GRM8: variants seen among roughly 807,000 people sequenced by gnomAD.
GRM8 encodes the protein glutamate metabotropic receptor 8.
In GRM8, 47 loss-of-function variants were observed where a neutral mutation model predicts 87.2. The observed-to-expected ratio is 0.54, with a 90% confidence interval of 0.43 to 0.69. GRM8 has a LOEUF of 0.69. GRM8 is among the 30% of genes least tolerant of loss of function. GRM8 has a pLI of 0.00. For synonymous variants in GRM8, 396 were observed against 404.5 expected (o/e 0.98, Z 0.25); for missense variants, 1,019 against 1,139.2 (o/e 0.89, Z 1.52).
At chr7:127,221,849 C>G (rs1245640893) in intron 2 of GRM8, among the ~76,000 whole-genome samples, 1 of 152,158 alleles carries the variant, frequency 6.6e-6, no homozygotes, top group Non-Finnish European at 1.5e-5. Flanking sequence ...TCCCTTCCAG[C>G]CTAGAAGTCC....
At chr7:126,583,967 A>G (rs1332515036) in intron 8 of GRM8, among the ~76,000 whole-genome samples, 6 of 152,206 alleles carry the variant, frequency 3.9e-5, no homozygotes, top group Admixed American at 3.9e-4. Context: ...TTCACGAAAG[A>G]GTCCATTTAT....
At chr7:126,485,622 A>G (rs1484954150) in intron 9 of GRM8, among the ~76,000 whole-genome samples, 1 of 152,016 alleles carries the variant, frequency 6.6e-6, no homozygotes, top group Non-Finnish European at 1.5e-5. Context: ...CTATTATAGT[A>G]TAGACACTGG....
intron 6 of GRM8, among the ~76,000 whole-genome samples, chr7:126,891,826 T>A (rs1179269104): frequency 2.0e-5 from 3 of 152,002 alleles, no homozygotes; most frequent in African/African-American, 7.2e-5. Flanking sequence ...ATTTTTGTTT[T>A]GCTCACGAAC....
intron 3 of GRM8, among the ~76,000 whole-genome samples, chr7:127,024,774 T>C (rs1360520051): frequency 1.3e-5 from 2 of 151,974 alleles, no homozygotes; most frequent in Non-Finnish European, 2.9e-5. Flanking sequence ...CTCACTCATG[T>C]TTTCACATGG....
intron 7 of GRM8, among the ~76,000 whole-genome samples, chr7:126,620,787 C>A (rs1800077295): frequency 6.6e-6 from 1 of 152,128 alleles, no homozygotes; most frequent in Non-Finnish European, 1.5e-5. Context: ...TGCACTTATG[C>A]CCCCTTAGTA....
intron 8 of GRM8, among the ~76,000 whole-genome samples, chr7:126,578,306 T>G (rs1795291479): frequency 6.6e-6 from 1 of 152,294 alleles, no homozygotes; most frequent in East Asian, 1.9e-4. Flanking sequence ...GATACAGCTG[T>G]TCAGTCTCCC....
At chr7:126,866,160 A>G (rs1009227500) in intron 6 of GRM8, among the ~76,000 whole-genome samples, 1 of 152,118 alleles carries the variant, frequency 6.6e-6, no homozygotes, top group African/African-American at 2.4e-5. Flanking sequence ...TTTGATTTTC[A>G]GTTCCCTGGT....
chr7:126,904,668 G>T lies in GRM8; in HGVS notation c.743C>A (p.Ala248Asp). The stretch of plus-strand genomic sequence containing the variant: ...TTCACGTGGGATTTTCTGTGACTGA[G>T]CAATGCAAACACCACCTATTTAAAA... ...ISREIGGVCI[A>D]QSQKIPREPR... Residue 248 changes from alanine (A) to aspartate (D), a missense_variant, in exon 4 of 11, where the codon GCT becomes GAT. Coordinates refer to ENST00000339582, the MANE Select transcript of GRM8 (RefSeq NM_000845.3). 1.2e-6 allele frequency: 2 copies of T among 1,613,562 alleles called. No homozygotes were observed. The highest frequency in any genetic ancestry group is 8.5e-7 in the Non-Finnish European group (1 of 1,179,604).
In GRM8 at chr7:126,913,041, T is replaced by C. The variant is rs190706716; in HGVS notation, c.728-8358A>G. 1.7e-4 allele frequency among the ~76,000 whole-genome samples: 26 copies of C among 152,324 alleles called. No homozygotes were observed. In the East Asian group the frequency reaches 3.5e-3, roughly 20 times the overall value. On this transcript the variant is annotated intron_variant, in intron 3 of 10. Transcript: ENST00000339582. Reference sequence around the variant, plus strand: ...TCTAAAAGGATAAAGAATTATGTTTTTAGTTGTTGCTCATTTATAAGACAA... The same window carrying C: ...TCTAAAAGGATAAAGAATTATGTTTCTAGTTGTTGCTCATTTATAAGACAA...
At chr7:126,644,051 T>G (rs1297871425) in intron 7 of GRM8, among the ~76,000 whole-genome samples, 2 of 152,258 alleles carry the variant, frequency 1.3e-5, no homozygotes, top group Non-Finnish European at 2.9e-5. Context: ...ATGTAGAGTT[T>G]CGTCTTTTGC....
In GRM8 at chr7:127,106,615, G is replaced by A. The variant is rs749886418; in HGVS notation, c.608C>T (p.Ala203Val). 1 of 1,613,684 alleles carries A rather than the reference G, an allele frequency of 6.2e-7. No individual in the cohort carries two copies. ...SRVVPPDSYQ[A>V]QAMVDIVTAL... Reference sequence around the variant, plus strand: ...TGTCACGATGTCCACCATGGCTTGGGCTTGGTAGGAGTCAGGCGGAACCAC... The same window carrying A: ...TGTCACGATGTCCACCATGGCTTGGACTTGGTAGGAGTCAGGCGGAACCAC... Residue 203 changes from alanine (A) to valine (V), a missense_variant, in exon 3 of 11, where the codon GCC becomes GTC. By Grantham distance (64) the Ala-to-Val change is moderately conservative. Transcript: ENST00000339582.
intron 3 of GRM8, among the ~76,000 whole-genome samples, chr7:126,965,423 T>A (rs538450611): frequency 3.2e-4 from 49 of 152,312 alleles, no homozygotes; most frequent in African/African-American, 1.1e-3. Context: ...GTCCCCTCCA[T>A]TAAAAATATA....
chr7:126,908,752 A>C (rs1167939431), intron 3 of GRM8, among the ~76,000 whole-genome samples: 1 of 152,178 alleles, frequency 6.6e-6, no homozygotes, highest in Non-Finnish European at 1.5e-5. Context: ...ACTTTTTGCT[A>C]TTCCCACACC....
chr7:126,530,631 A>G (rs950605421), intron 9 of GRM8, among the ~76,000 whole-genome samples: 1 of 152,236 alleles, frequency 6.6e-6, no homozygotes, highest in East Asian at 1.9e-4. Context: ...CAAGTTGATA[A>G]CATGGGGCTG....
In GRM8 at chr7:126,770,054, T is replaced by G. The variant is rs745315525; in HGVS notation, c.1168A>C (p.Ile390Leu). The stretch of plus-strand genomic sequence containing the variant: ...TGTTCATAAGATGAATCCCGAGCAA[T>G]TCGCTCCAGCCCTGCAAAATAAAAA... ...HIKKCTGLERIARDSSYEQEG... is the reference protein window; with the variant it reads ...HIKKCTGLERLARDSSYEQEG... Residue 390 changes from isoleucine (I) to leucine (L), a missense_variant, in exon 7 of 11, where the codon ATT (isoleucine) becomes CTT (leucine). By Grantham distance (5) the Ile-to-Leu change is conservative. Transcript: ENST00000339582. 1 of 1,611,316 alleles carries G rather than the reference T, an allele frequency of 6.2e-7. No homozygotes were observed. The highest frequency in any genetic ancestry group is 1.3e-5 in the African/African-American group (1 of 74,958).
intron 6 of GRM8, among the ~76,000 whole-genome samples, chr7:126,897,144 T>G (rs1483033164): frequency 6.6e-6 from 1 of 152,138 alleles, no homozygotes; most frequent in African/African-American, 2.4e-5. Flanking sequence ...TATTTATAAT[T>G]CGTGATGGAG....
intron 7 of GRM8, among the ~76,000 whole-genome samples, chr7:126,707,222 T>C (rs772606755): frequency 6.6e-6 from 1 of 152,114 alleles, no homozygotes; most frequent in Non-Finnish European, 1.5e-5. Flanking sequence ...GAACCTACCA[T>C]GGCTCACCAG....
At chr7:127,230,982 T>C (rs189110681) in intron 2 of GRM8, among the ~76,000 whole-genome samples, 1 of 152,298 alleles carries the variant, frequency 6.6e-6, no homozygotes, top group Non-Finnish European at 1.5e-5. Flanking sequence ...TTTTACACGG[T>C]TTTATATTGC....
At chr7:126,719,302 A>G (rs1294174012) in intron 7 of GRM8, among the ~76,000 whole-genome samples, 1 of 152,250 alleles carries the variant, frequency 6.6e-6, no homozygotes, top group Non-Finnish European at 1.5e-5. Context: ...ATAAAAGGAT[A>G]TTTTGAAAGT....
Sources: allele counts gnomAD v4.1 joint callset (sites outside exome capture counted in the v4.1 genomes callset), GRCh38; gene constraint gnomAD v4.1.1; transcripts MANE v1.5; gene names NCBI Gene and HGNC (gene_info 2026-07-23, HGNC 2026-07-21).